The following RPGRIP1L variants were observed in gnomAD, a reference collection of about 807,000 sequenced individuals.
RPGRIP1L encodes protein fantom.
Under a neutral mutation model 160.4 loss-of-function variants are expected in RPGRIP1L, and 131 were observed. The ratio of observed to expected loss-of-function variants is 0.82; its 90% CI spans 0.71 to 0.94. RPGRIP1L has a LOEUF of 0.94. Ranked by LOEUF, RPGRIP1L falls within the 40% of genes least tolerant of loss-of-function variation. The pLI is 0.00. For missense variants in RPGRIP1L, 1,522 were observed against 1,535.8 expected (o/e 0.99, Z 0.15); for synonymous variants, 510 against 515.8 (o/e 0.99, Z 0.15).
chr16:53,677,945 A>G (rs1360639207), intron 6 of RPGRIP1L, among the ~76,000 whole-genome samples: 3 of 152,326 alleles, frequency 2.0e-5, no homozygotes, highest in Admixed American at 1.3e-4. Flanking sequence ...AAACATTCAG[A>G]CATTCGGATG....
At chr16:53,629,417 C>T (rs1965374031) in intron 22 of RPGRIP1L, among the ~76,000 whole-genome samples, 1 of 152,152 alleles carries the variant, frequency 6.6e-6, no homozygotes, top group Non-Finnish European at 1.5e-5. Context: ...CAAGGATTTG[C>T]ATCTCTTACA....
intron 9 of RPGRIP1L, among the ~76,000 whole-genome samples, chr16:53,668,567 G>A (rs947004454): frequency 6.6e-6 from 1 of 152,132 alleles, no homozygotes; most frequent in Non-Finnish European, 1.5e-5. Flanking sequence ...AAGCTCTGAA[G>A]AGGTGGTGAA....
intron 25 of RPGRIP1L, among the ~76,000 whole-genome samples, chr16:53,606,692 C>T (rs962431910): frequency 1.3e-5 from 2 of 152,160 alleles, no homozygotes; most frequent in African/African-American, 4.8e-5. Context: ...TGGCTCACTG[C>T]AACCTCTGCC....
intron 20 of RPGRIP1L, among the ~76,000 whole-genome samples, 168 bp from the exon 21 acceptor site, chr16:53,638,022 T>C (rs1965950297): frequency 6.6e-6 from 1 of 152,176 alleles, no homozygotes; most frequent in African/African-American, 2.4e-5. Context: ...GTACAAATGA[T>C]AATATATAGA....
chr16:53,670,223 C>A (rs1319130192), intron 9 of RPGRIP1L, among the ~76,000 whole-genome samples: 1 of 151,904 alleles, frequency 6.6e-6, no homozygotes, highest in East Asian at 1.9e-4. Context: ...AAGCCTATCC[C>A]CACACTCCTT....
At chr16:53,656,165 A>G (rs1299418809) in intron 14 of RPGRIP1L, among the ~76,000 whole-genome samples, 1 of 152,222 alleles carries the variant, frequency 6.6e-6, no homozygotes, top group Non-Finnish European at 1.5e-5. Flanking sequence ...ATTCTTGAGT[A>G]GAAAAGAATC....
intron 1 of RPGRIP1L, 109 bp from the exon 2 acceptor site, chr16:53,700,839 T>C: frequency 1.3e-6 from 1 of 790,134 alleles, no homozygotes; most frequent in Non-Finnish European, 2.2e-6. Flanking sequence ...AATGGGCATC[T>C]TATTGTCCAC....
At chr16:53,695,291 C>T (rs1567891720) in intron 3 of RPGRIP1L, 1 of 694,274 alleles carries the variant, frequency 1.4e-6, no homozygotes. Context: ...AAACAGCCAT[C>T]ATCATGACTA....
rs549881475 is a variant in RPGRIP1L, at chr16:53,692,314, C to T, written c.281G>A (p.Arg94Gln). The T allele has an allele frequency of 1.7e-5, 27 of 1,614,094 alleles. No individual in the cohort carries two copies. The East Asian group carries it at 2.2e-4, about 13-fold the overall frequency. ...RLVNDKKRYE[R>Q]VGGGPKRLGR... ...CAGCCGCTTGGGGCCGCCACCAACC[C>T]GCTCATATCTTTTCTTGTCATTAAC... Residue 94 changes from arginine (R) to glutamine (Q), a missense_variant, in exon 4 of 27, where the codon CGG becomes CAG. Transcript: ENST00000647211.
chr16:53,618,555 C>CT (rs1964517841), intron 24 of RPGRIP1L, among the ~76,000 whole-genome samples: 1 of 151,978 alleles, frequency 6.6e-6, no homozygotes, highest in East Asian at 1.9e-4. Context: ...ACTTTCTCTT[C>CT]TTTTTTGAGA....
chr16:53,643,010 G>A (rs983365251), intron 17 of RPGRIP1L, among the ~76,000 whole-genome samples: 1 of 152,092 alleles, frequency 6.6e-6, no homozygotes, highest in Non-Finnish European at 1.5e-5. Context: ...ATCAGAAGTG[G>A]GCGTTGGCTG....
intron 2 of RPGRIP1L, among the ~76,000 whole-genome samples, chr16:53,697,714 A>C (rs1311203499): frequency 6.6e-6 from 1 of 151,226 alleles, no homozygotes; most frequent in Non-Finnish European, 1.5e-5. Context: ...GCTCGCTACA[A>C]CCTCCACCTC....
chr16:53,698,982 T>C lies in RPGRIP1L; in HGVS notation c.85+1657A>G, dbSNP rs895839301. The stretch of plus-strand genomic sequence containing the variant: ...GTGGGGAAAAGATTGAGAAATCGGA[T>C]GGTTGCCGTGTCTGTGTGGAAAGAA... On this transcript the variant is annotated intron_variant, in intron 2 of 26. Transcript: ENST00000647211. Among the ~76,000 whole-genome samples, 57 of 152,270 alleles carry C rather than the reference T, an allele frequency of 3.7e-4. 1 individual carries two copies. Among genetic ancestry groups the C allele is most frequent in the Non-Finnish European group, 1.9e-4 (13 of 67,984 alleles).
chr16:53,605,443 T>G, intron 26 of RPGRIP1L, 38 bp downstream of exon 26: 2 of 1,612,968 alleles, frequency 1.2e-6, no homozygotes, highest in East Asian at 2.2e-5. Flanking sequence ...GTTCAGCAAT[T>G]GTTGGTTGCA....
At chr16:53,612,990 A>G (rs918414662) in intron 24 of RPGRIP1L, among the ~76,000 whole-genome samples, 1 of 152,204 alleles carries the variant, frequency 6.6e-6, no homozygotes, top group Non-Finnish European at 1.5e-5. Context: ...ATGTCATATA[A>G]GTGGAATCAT....
chr16:53,636,621 TG>T (rs761264345), intron 21 of RPGRIP1L, 109 bp from the exon 22 acceptor site: 11 of 728,720 alleles, frequency 1.5e-5, no homozygotes, highest in Non-Finnish European at 2.4e-5. Context: ...TTAAGAAACA[TG>T]GTAATTATAC....
chr16:53,641,327 A>G lies in RPGRIP1L; in HGVS notation c.2832T>C (p.Val944=). Residue 944 remains valine (V), a synonymous_variant, in exon 18 of 27, where the codon GTT becomes GTC. Coordinates refer to ENST00000647211, the MANE Select transcript of RPGRIP1L (RefSeq NM_015272.5). ...CAGAGGATGCTGGAGGAAGTCTTTG[A>G]ACAACTTCTGGCTCTTCGCTGCGAA... ...NFIRSEEPEV[V]QRLPPASSVS... is the part of the protein sequence containing the mutation. 6.2e-7 allele frequency: 1 copy of G among 1,614,106 alleles called. No homozygotes were observed. Among genetic ancestry groups the G allele is most frequent in the South Asian group, 1.1e-5 (1 of 91,080 alleles).
rs1021939781 is a variant in RPGRIP1L at position 53,629,504 on chromosome 16, G to A, written c.3294+6935C>T. Among the ~76,000 whole-genome samples the A allele has an allele frequency of 2.0e-5, 3 of 152,198 alleles. No homozygotes were observed. The East Asian group carries it at 5.8e-4, about 29-fold the overall frequency. Reference sequence around the variant, plus strand: ...AGAAATATTGCTCTAAACCAAAAAAGATTCATCTTCCATCCATGGAGACTT... The same window carrying A: ...AGAAATATTGCTCTAAACCAAAAAAAATTCATCTTCCATCCATGGAGACTT... On this transcript the variant is annotated intron_variant, in intron 22 of 26. Coordinates refer to ENST00000647211, the MANE Select transcript of RPGRIP1L (RefSeq NM_015272.5).
rs766853230 is a variant in RPGRIP1L at position 53,692,115 on chromosome 16, C to A, written c.480G>T (p.Gly160=). 3.7e-6 allele frequency: 6 copies of A among 1,614,024 alleles called. No homozygotes were observed. Among genetic ancestry groups the A allele is most frequent in the African/African-American group, 2.7e-5 (2 of 74,970 alleles). Residue 160 remains glycine (G), a synonymous_variant, in exon 4 of 27, where the codon GGG becomes GGT. Coordinates refer to ENST00000647211, the MANE Select transcript of RPGRIP1L (RefSeq NM_015272.5). ...YNNVQSRINT[G]RRKANENAGL... ...CAGCATTTTCATTTGCTTTTCTACGCCCAGTGTTAATACGAGATTGTACAT... is the reference window on the plus strand; with the variant it reads ...CAGCATTTTCATTTGCTTTTCTACGACCAGTGTTAATACGAGATTGTACAT...
Sources: gnomAD v4.1 joint callset for allele counts (sites outside exome capture counted in the v4.1 genomes callset) on GRCh38, gnomAD v4.1.1 for gene constraint, MANE v1.5 for transcripts, NCBI Gene and HGNC (gene_info 2026-07-23, HGNC 2026-07-21) for gene names.